Variants in KCNT2 observed in about 807,000 individuals in gnomAD.
The protein encoded by KCNT2 is potassium channel subfamily T member 2.
KCNT2 carries 67 observed loss-of-function variants against 153.8 expected under a neutral mutation model. The ratio of observed to expected loss-of-function variants is 0.44; its 90% CI spans 0.36 to 0.53. KCNT2 has a LOEUF of 0.53. KCNT2 is among the 20% of genes least tolerant of loss of function. KCNT2 has a pLI of 0.00. For synonymous variants in KCNT2, 500 were observed against 458.8 expected (o/e 1.09, Z -1.15); for missense variants, 975 against 1,354.8 (o/e 0.72, Z 4.40).
At chr1:196,598,778 A>G (rs1444931469) in intron 1 of KCNT2, among the ~76,000 whole-genome samples, 1 of 152,242 alleles carries the variant, frequency 6.6e-6, no homozygotes, top group African/African-American at 2.4e-5. Flanking sequence ...GGGAAAAATA[A>G]CAGAATTTCT....
chr1:196,252,590 A>T (rs922855857), intron 26 of KCNT2, among the ~76,000 whole-genome samples: 3 of 151,666 alleles, frequency 2.0e-5, no homozygotes, highest in African/African-American at 7.2e-5. Flanking sequence ...ATGTACTAAA[A>T]ACCACACAAT....
chr1:196,575,509 G>T (rs1009434778), intron 1 of KCNT2, among the ~76,000 whole-genome samples: 3 of 151,856 alleles, frequency 2.0e-5, no homozygotes, highest in African/African-American at 7.3e-5. Context: ...AGGTTTGTCA[G>T]TTCAGCTGAC....
intron 19 of KCNT2, among the ~76,000 whole-genome samples, chr1:196,322,546 G>A (rs1663427959): frequency 6.6e-6 from 1 of 151,776 alleles, no homozygotes; most frequent in Non-Finnish European, 1.5e-5. Flanking sequence ...TATTAGAAAA[G>A]ATGACGACTT....
intron 26 of KCNT2, 84 bp downstream of exon 26, chr1:196,258,110 C>A: frequency 6.7e-7 from 1 of 1,499,820 alleles, no homozygotes; most frequent in Non-Finnish European, 8.9e-7. Context: ...AAATTCAATT[C>A]TTTATTAAAT....
At chr1:196,241,214 T>C (rs190422839) in intron 26 of KCNT2, among the ~76,000 whole-genome samples, 342 of 152,138 alleles carry the variant, frequency 2.2e-3, no homozygotes, top group Non-Finnish European at 3.6e-3. Flanking sequence ...TGTTTTTGTT[T>C]TGTTAGTACA....
intron 25 of KCNT2, among the ~76,000 whole-genome samples, chr1:196,276,549 C>A (rs1194318422): frequency 6.6e-6 from 1 of 151,940 alleles, no homozygotes; most frequent in Non-Finnish European, 1.5e-5. Context: ...TCCTATTGAT[C>A]CTCTTTACTT....
intron 12 of KCNT2, among the ~76,000 whole-genome samples, chr1:196,418,397 CG>C (rs1260325018): frequency 6.6e-6 from 1 of 151,978 alleles, no homozygotes; most frequent in African/African-American, 2.4e-5. Flanking sequence ...ACCCAGAAGG[CG>C]GAGGTTGCAG....
chr1:196,510,283 C>T (rs911708355), intron 1 of KCNT2, among the ~76,000 whole-genome samples: 2 of 151,938 alleles, frequency 1.3e-5, no homozygotes, highest in Non-Finnish European at 2.9e-5. Context: ...TACTAATAAA[C>T]CCTGGGCACT....
At chr1:196,351,255 C>A (rs1572135767) in intron 14 of KCNT2, among the ~76,000 whole-genome samples, 1 of 152,030 alleles carries the variant, frequency 6.6e-6, no homozygotes, top group Non-Finnish European at 1.5e-5. Context: ...TCATTGGTAG[C>A]TTGATGGGGA....
At chr1:196,608,110 T>C in intron 1 of KCNT2, 105 bp downstream of exon 1, 1 of 978,316 alleles carries the variant, frequency 1.0e-6, no homozygotes, top group Non-Finnish European at 1.7e-6. Flanking sequence ...AGTCTCCCTC[T>C]CTGGCTCCGT....
At chr1:196,461,281 A>T (rs141243986) in intron 8 of KCNT2, among the ~76,000 whole-genome samples, 1 of 151,872 alleles carries the variant, frequency 6.6e-6, no homozygotes, top group Non-Finnish European at 1.5e-5. Flanking sequence ...CATGTTTAAC[A>T]TGATCATATT....
intron 7 of KCNT2, among the ~76,000 whole-genome samples, chr1:196,466,198 CCAA>C (rs1677602329): frequency 6.6e-6 from 1 of 151,916 alleles, no homozygotes; most frequent in Non-Finnish European, 1.5e-5. Context: ...TTATTTTTTT[CCAA>C]CAACTAATAA....
chr1:196,241,795 C>T (rs978054734), intron 26 of KCNT2, among the ~76,000 whole-genome samples: 3 of 152,006 alleles, frequency 2.0e-5, no homozygotes, highest in African/African-American at 7.2e-5. Context: ...CTCAATTTTC[C>T]TTTCAAAATA....
In KCNT2 at chr1:196,428,959, C is replaced by T. The variant is rs569524859; in HGVS notation, c.819+618G>A. Among the ~76,000 whole-genome samples, 3 of 152,000 alleles carry T rather than the reference C, an allele frequency of 2.0e-5. No individual in the cohort carries two copies. The East Asian group carries it at 5.8e-4, about 30-fold the overall frequency. ...TATATATCCATCCCTTTGCAACCTC[C>T]CTACTCACTCCCCAAAGTGCCACAT... On this transcript the variant is annotated intron_variant, in intron 9 of 27. Coordinates refer to ENST00000294725, the MANE Select transcript of KCNT2 (RefSeq NM_198503.5).
At chr1:196,278,026 T>C (rs1047797597) in intron 25 of KCNT2, among the ~76,000 whole-genome samples, 1 of 152,152 alleles carries the variant, frequency 6.6e-6, no homozygotes, top group Non-Finnish European at 1.5e-5. Context: ...TTACTCATCA[T>C]GGTATCTAAA....
chr1:196,347,008 G>A (rs1666200821), intron 14 of KCNT2, among the ~76,000 whole-genome samples: 1 of 152,078 alleles, frequency 6.6e-6, no homozygotes, highest in Non-Finnish European at 1.5e-5. Flanking sequence ...AGAAACTGAG[G>A]TTCAATGGCT....
Position 196,593,437 on chromosome 1 carries a change from A to T in KCNT2, c.95+14778T>A, listed in dbSNP as rs563465404. On this transcript the variant is annotated intron_variant, in intron 1 of 27. Transcript: ENST00000294725. ...TGATTCCAAATTTTTTCAATTGTGAATTGTGCTGCTATGAACATGCATGTG... is the reference window on the plus strand; with the variant it reads ...TGATTCCAAATTTTTTCAATTGTGATTTGTGCTGCTATGAACATGCATGTG... Among the ~76,000 whole-genome samples the T allele has an allele frequency of 5.4e-4, 82 of 151,600 alleles. 1 individual carries two copies. The highest frequency in any genetic ancestry group is 1.9e-3 in the African/African-American group (79 of 41,352).
At chr1:196,496,043 T>C (rs1268345919) in intron 1 of KCNT2, among the ~76,000 whole-genome samples, 1 of 152,194 alleles carries the variant, frequency 6.6e-6, no homozygotes, top group Non-Finnish European at 1.5e-5. Flanking sequence ...CATGTTGACC[T>C]CTCTTACATG....
chr1:196,283,748 T>C (rs1659350445), intron 23 of KCNT2, among the ~76,000 whole-genome samples: 1 of 152,162 alleles, frequency 6.6e-6, no homozygotes, highest in South Asian at 2.1e-4. Context: ...AAAATAGTTA[T>C]GAATTAATGC....
Sources: gnomAD v4.1 joint callset for allele counts (sites outside exome capture counted in the v4.1 genomes callset) on GRCh38, gnomAD v4.1.1 for gene constraint, MANE v1.5 for transcripts, NCBI Gene and HGNC (gene_info 2026-07-23, HGNC 2026-07-21) for gene names.